The following SDHAF2 variants were observed in gnomAD, a reference collection of about 807,000 sequenced individuals.
The protein encoded by SDHAF2 is succinate dehydrogenase complex assembly factor 2.
Under a neutral mutation model 18.5 loss-of-function variants are expected in SDHAF2, and 21 were observed. That is an observed-to-expected ratio of 1.13 (90% CI 0.80 to 1.63). The LOEUF is 1.63. Ranked by LOEUF, SDHAF2 falls within the 40% of genes most tolerant of loss-of-function variation. SDHAF2 has a pLI of 0.00. For missense variants in SDHAF2, 195 were observed against 200.3 expected (o/e 0.97, Z 0.16); for synonymous variants, 84 against 70.7 (o/e 1.19, Z -0.94).
Position 61,446,608 on chromosome 11 carries a change from A to G in SDHAF2, c.*537A>G. The G allele has an allele frequency of 2.3e-6, 1 of 430,458 alleles. No individual in the cohort carries two copies. Among genetic ancestry groups the G allele is most frequent in the Non-Finnish European group, 4.1e-6 (1 of 243,756 alleles). The allele number at this position is 430,458 out of a possible 1,614,324, so 26.7% of individuals were successfully genotyped here. ...CTTCAAAGGCACAGCAGGCAGAATG[A>G]GGGCCACAGGCAGGAGTGGTGTGGG... On this transcript the variant is annotated 3_prime_UTR_variant, in exon 4 of 4. Transcript: ENST00000301761.
In SDHAF2 at chr11:61,446,584, T is replaced by C. The variant is rs900360316; in HGVS notation, c.*513T>C. The stretch of plus-strand genomic sequence containing the variant: ...GATCCCAGCCTCCTGAGCTGAATCC[T>C]TCAAAGGCACAGCAGGCAGAATGAG... On this transcript the variant is annotated 3_prime_UTR_variant, in exon 4 of 4. Transcript: ENST00000301761. 12 of 439,870 alleles carry C rather than the reference T, an allele frequency of 2.7e-5. No individual in the cohort carries two copies. Among genetic ancestry groups the C allele is most frequent in the Non-Finnish European group, 4.0e-5 (10 of 249,814 alleles). The allele number at this position is 439,870 out of a possible 1,614,324, so 27.2% of individuals were successfully genotyped here.
At chr11:61,436,312 C>T (rs1266463881) in intron 1 of SDHAF2, among the ~76,000 whole-genome samples, 2 of 152,050 alleles carry the variant, frequency 1.3e-5, no homozygotes, top group Non-Finnish European at 2.9e-5. Flanking sequence ...CCCAGAGAGC[C>T]CCAAAAAGCT....
intron 1 of SDHAF2, chr11:61,436,946 C>T (rs1200598326): frequency 2.4e-6 from 3 of 1,264,400 alleles, no homozygotes; most frequent in Non-Finnish European, 3.1e-6. Flanking sequence ...TCTGTGTGCT[C>T]AGGATTTGAC....
At chr11:61,438,303 G>A (rs752727587) in intron 3 of SDHAF2, 190 bp downstream of exon 3, 6 of 634,304 alleles carry the variant, frequency 9.5e-6, no homozygotes, top group African/African-American at 9.2e-5. Flanking sequence ...AGGTTCAAGC[G>A]ATTCTCCAGC....
intron 1 of SDHAF2, among the ~76,000 whole-genome samples, chr11:61,437,410 A>G (rs1862006150): frequency 2.0e-5 from 3 of 152,104 alleles, no homozygotes; most frequent in Admixed American, 6.6e-5. Flanking sequence ...TATGTTGCTC[A>G]GGCTGGTCTC....
intron 3 of SDHAF2, among the ~76,000 whole-genome samples, chr11:61,440,291 T>G (rs575575523): frequency 6.6e-6 from 1 of 151,544 alleles, no homozygotes; most frequent in South Asian, 2.1e-4. Flanking sequence ...GGCGACAGAG[T>G]GAGACTCTTT....
At chr11:61,430,733 C>T (rs1019698894) in intron 1 of SDHAF2, 1 of 154,026 alleles carries the variant, frequency 6.5e-6, no homozygotes, top group African/African-American at 2.4e-5. Flanking sequence ...GTGTTATTAG[C>T]TGTAGTCACT....
At chr11:61,430,318 G>GATCCT in intron 1 of SDHAF2, 136 bp downstream of exon 1, 1 of 1,053,022 alleles carries the variant, frequency 9.5e-7, no homozygotes, top group Non-Finnish European at 1.4e-6. Context: ...GGGAGAGGCC[G>GATCCT]ATCCTGCAAC....
intron 1 of SDHAF2, chr11:61,434,814 C>G (rs1211333407): frequency 6.6e-6 from 1 of 150,972 alleles, no homozygotes; most frequent in African/African-American, 2.4e-5. Flanking sequence ...ACTGCAAGCT[C>G]CGCCACCTGG....
chr11:61,438,272 T>C (rs1417617906), intron 3 of SDHAF2, 159 bp downstream of exon 3: 1 of 679,528 alleles, frequency 1.5e-6, no homozygotes, highest in Non-Finnish European at 2.6e-6. Flanking sequence ...TGATCTCGGC[T>C]CACTGCAACC....
In SDHAF2 at chr11:61,441,988, A is replaced by T. The variant is rs556199243; in HGVS notation, c.370+3875A>T. The stretch of plus-strand genomic sequence containing the variant: ...AGGCTCCACCTCCTGGGCTCAAGCG[A>T]TCCTCCCACCTCAGCCTCCAGAATA... On this transcript the variant is annotated intron_variant, in intron 3 of 3. Transcript: ENST00000301761. Among the ~76,000 whole-genome samples, 8 of 150,958 alleles carry T rather than the reference A, an allele frequency of 5.3e-5. No homozygotes were observed. The South Asian group carries it at 1.7e-3, about 32-fold the overall frequency.
At chr11:61,441,842 A>G (rs1429863588) in intron 3 of SDHAF2, among the ~76,000 whole-genome samples, 1 of 149,812 alleles carries the variant, frequency 6.7e-6, no homozygotes, top group African/African-American at 2.5e-5. Flanking sequence ...CTTTATGTAT[A>G]TTTGGTGACA....
intron 1 of SDHAF2, chr11:61,433,652 C>T (rs1308581863): frequency 6.6e-6 from 1 of 152,190 alleles, no homozygotes. Flanking sequence ...CGTCAGGGCC[C>T]AGTCCTAGAG....
At chr11:61,433,504 T>C (rs1300700221) in intron 1 of SDHAF2, 1 of 152,206 alleles carries the variant, frequency 6.6e-6, no homozygotes, top group Non-Finnish European at 1.5e-5. Flanking sequence ...ACAATTTCCT[T>C]GTACTGATGA....
intron 3 of SDHAF2, among the ~76,000 whole-genome samples, chr11:61,445,321 G>T (rs1324227096): frequency 6.6e-6 from 1 of 152,170 alleles, no homozygotes; most frequent in Admixed American, 6.5e-5. Context: ...TCATTCTTCT[G>T]ACTCAGTGCC....
chr11:61,441,232 A>G (rs900963391), intron 3 of SDHAF2, among the ~76,000 whole-genome samples: 2 of 152,124 alleles, frequency 1.3e-5, no homozygotes, highest in Admixed American at 1.3e-4. Flanking sequence ...TTCTGTGCTA[A>G]GCAAAAGAGG....
chr11:61,441,380 G>A (rs1590766903), intron 3 of SDHAF2, among the ~76,000 whole-genome samples: 1 of 151,890 alleles, frequency 6.6e-6, no homozygotes, highest in African/African-American at 2.4e-5. Context: ...AAAATACTGG[G>A]CGTGGTGGTG....
chr11:61,438,152 C>A (rs2134893086), intron 3 of SDHAF2, 39 bp downstream of exon 3: 3 of 1,436,630 alleles, frequency 2.1e-6, no homozygotes, highest in Non-Finnish European at 2.9e-6. Flanking sequence ...GAAAATAGGA[C>A]AGTTTAGGCT....
intron 3 of SDHAF2, among the ~76,000 whole-genome samples, chr11:61,439,841 G>C (rs1862041481): frequency 6.6e-6 from 1 of 152,178 alleles, no homozygotes; most frequent in South Asian, 2.1e-4. Flanking sequence ...TTCATCTTTT[G>C]ACCAGCTGAG....
Sources: allele counts gnomAD v4.1 joint callset (sites outside exome capture counted in the v4.1 genomes callset), GRCh38; gene constraint gnomAD v4.1.1; transcripts MANE v1.5; gene names NCBI Gene and HGNC (gene_info 2026-07-23, HGNC 2026-07-21).